PTPRD: variants seen among roughly 807,000 people sequenced by gnomAD.
PTPRD encodes receptor-type tyrosine-protein phosphatase delta.
In PTPRD, 34 loss-of-function variants were observed where a neutral mutation model predicts 214.5. That is an observed-to-expected ratio of 0.16 (90% CI 0.12 to 0.21). PTPRD has a LOEUF of 0.21. Among genes scored for constraint, PTPRD ranks in the 10% least tolerant of loss-of-function variants. The pLI is 1.00. For missense variants in PTPRD, 2,545 were observed against 2,398.7 expected (o/e 1.06, Z -1.27); for synonymous variants, 1,128 against 845.7 (o/e 1.33, Z -5.79).
chr9:9,611,027 C>T (rs78484610), intron 7 of PTPRD, among the ~76,000 whole-genome samples: 2,523 of 152,208 alleles, frequency 0.017, 73 homozygotes, highest in African/African-American at 0.058. Flanking sequence ...TTCTATTGTA[C>T]CCTTAATTTT....
chr9:9,941,981 C>G (rs1169377335), intron 4 of PTPRD, among the ~76,000 whole-genome samples: 2 of 152,090 alleles, frequency 1.3e-5, no homozygotes. Context: ...TTCTGAAAGC[C>G]CAGCCAAAAG....
At chr9:10,476,793 A>G (rs1328230210) in intron 2 of PTPRD, among the ~76,000 whole-genome samples, 1 of 152,164 alleles carries the variant, frequency 6.6e-6, no homozygotes, top group Non-Finnish European at 1.5e-5. Context: ...AAACAGATAT[A>G]CAGACCAAGG....
intron 7 of PTPRD, among the ~76,000 whole-genome samples, chr9:9,698,254 T>A (rs2097421034): frequency 6.6e-6 from 1 of 152,176 alleles, no homozygotes; most frequent in African/African-American, 2.4e-5. Flanking sequence ...TATTTCAGTC[T>A]TCTCTTTCTG....
At chr9:10,156,630 G>C (rs954327842) in intron 3 of PTPRD, among the ~76,000 whole-genome samples, 8 of 152,138 alleles carry the variant, frequency 5.3e-5, no homozygotes, top group South Asian at 2.1e-4. Context: ...GTAGAGAGTT[G>C]TGTAGATGTC....
At chr9:10,553,695 G>C (rs1388348464) in intron 2 of PTPRD, among the ~76,000 whole-genome samples, 3 of 152,190 alleles carry the variant, frequency 2.0e-5, no homozygotes, top group East Asian at 3.9e-4. Context: ...TAAGAACTGT[G>C]AATATATATG....
chr9:10,101,292 G>A (rs922235740), intron 3 of PTPRD, among the ~76,000 whole-genome samples: 4 of 151,636 alleles, frequency 2.6e-5, no homozygotes, highest in African/African-American at 9.7e-5. Flanking sequence ...ATGTAGGTGT[G>A]AAATTTTAAA....
intron 10 of PTPRD, among the ~76,000 whole-genome samples, chr9:9,054,379 AT>A (rs1240623237): frequency 1.3e-5 from 2 of 152,152 alleles, no homozygotes; most frequent in African/African-American, 4.8e-5. Flanking sequence ...AAAGCTTAAA[AT>A]TTTTTGGTAT....
At chr9:10,248,858 G>A (rs979268605) in intron 3 of PTPRD, among the ~76,000 whole-genome samples, 1 of 135,544 alleles carries the variant, frequency 7.4e-6, no homozygotes, top group Admixed American at 7.7e-5. Context: ...AGCTTCTTAT[G>A]CACAGAGGTG....
intron 11 of PTPRD, among the ~76,000 whole-genome samples, chr9:8,980,491 C>T (rs1369989615): frequency 6.6e-6 from 1 of 151,934 alleles, no homozygotes; most frequent in Non-Finnish European, 1.5e-5. Context: ...GTATTGCAAA[C>T]CTTAAATACA....
At chr9:8,431,832 G>C (rs1030569828) in intron 35 of PTPRD, among the ~76,000 whole-genome samples, 1 of 152,200 alleles carries the variant, frequency 6.6e-6, no homozygotes, top group Non-Finnish European at 1.5e-5. Flanking sequence ...TCAGGATGAT[G>C]CTGGCCTCAT....
intron 2 of PTPRD, among the ~76,000 whole-genome samples, chr9:10,385,768 C>G (rs2097903088): frequency 6.6e-6 from 1 of 151,712 alleles, no homozygotes; most frequent in African/African-American, 2.4e-5. Context: ...ACATAGATGG[C>G]TATCACAAAA....
chr9:9,246,908 C>T (rs1398384506), intron 9 of PTPRD, among the ~76,000 whole-genome samples: 1 of 151,928 alleles, frequency 6.6e-6, no homozygotes, highest in African/African-American at 2.4e-5. Context: ...TAATTTGAGC[C>T]ACAGTACATT....
At chr9:9,674,467 T>C (rs2096891432) in intron 7 of PTPRD, among the ~76,000 whole-genome samples, 1 of 151,742 alleles carries the variant, frequency 6.6e-6, no homozygotes, top group Admixed American at 6.6e-5. Flanking sequence ...AATTAAAATG[T>C]AGTCATATAT....
intron 12 of PTPRD, chr9:8,713,357 G>A (rs117429409): frequency 0.013 from 12,884 of 1,015,490 alleles, 248 homozygotes; most frequent in South Asian, 0.053. Context: ...GTGGGTCGCC[G>A]CCTGCCCACT....
At chr9:9,847,817 C>T (rs1223345844) in intron 5 of PTPRD, among the ~76,000 whole-genome samples, 1 of 152,012 alleles carries the variant, frequency 6.6e-6, no homozygotes, top group Non-Finnish European at 1.5e-5. Context: ...GCTGAGCCCT[C>T]AGGCTGGGAA....
intron 10 of PTPRD, among the ~76,000 whole-genome samples, chr9:9,057,453 C>G (rs968518728): frequency 6.6e-6 from 1 of 152,036 alleles, no homozygotes; most frequent in Non-Finnish European, 1.5e-5. Flanking sequence ...ATGGATTTTA[C>G]TTTGAAAACT....
chr9:8,857,283 A>C (rs1023186925), intron 11 of PTPRD, among the ~76,000 whole-genome samples: 3 of 152,192 alleles, frequency 2.0e-5, no homozygotes, highest in Admixed American at 6.5e-5. Flanking sequence ...TCCCTGGGTA[A>C]GGGTGGATTG....
At chr9:10,438,779 A>C (rs2098739280) in intron 2 of PTPRD, among the ~76,000 whole-genome samples, 1 of 151,738 alleles carries the variant, frequency 6.6e-6, no homozygotes, top group African/African-American at 2.4e-5. Context: ...GTCTCTCCTT[A>C]TAGTAGAGAG....
At chr9:9,399,101 A>G (rs1036963941) in intron 8 of PTPRD, among the ~76,000 whole-genome samples, 10 of 152,050 alleles carry the variant, frequency 6.6e-5, no homozygotes, top group African/African-American at 2.4e-4. Flanking sequence ...TAAAATAATT[A>G]TAAATCCACT....
Sources: gnomAD v4.1 joint callset for allele counts (sites outside exome capture counted in the v4.1 genomes callset) on GRCh38, gnomAD v4.1.1 for gene constraint, MANE v1.5 for transcripts, NCBI Gene and HGNC (gene_info 2026-07-23, HGNC 2026-07-21) for gene names.